EPHA6: variants seen among roughly 807,000 people sequenced by gnomAD.
EPHA6 encodes ephrin type-A receptor 6.
EPHA6 carries 50 observed loss-of-function variants against 112.0 expected under a neutral mutation model. The ratio of observed to expected loss-of-function variants is 0.45; its 90% CI spans 0.36 to 0.56. EPHA6 has a LOEUF of 0.56. EPHA6 is among the 20% of genes least tolerant of loss of function. The pLI is 0.00. For missense variants in EPHA6, 1,280 were observed against 1,417.4 expected, an observed-to-expected ratio of 0.90 and a Z score of 1.56; for synonymous variants, 529 against 490.7, an observed-to-expected ratio of 1.08 and a Z score of -1.03.
intron 10 of EPHA6, among the ~76,000 whole-genome samples, chr3:97,496,155 T>C (rs1290439698): frequency 6.6e-6 from 1 of 152,154 alleles, no homozygotes; most frequent in Non-Finnish European, 1.5e-5. Flanking sequence ...TGAGGATTGA[T>C]TGAAGTGTGA....
At chr3:97,118,253 A>G (rs547143907) in intron 3 of EPHA6, among the ~76,000 whole-genome samples, 1 of 151,770 alleles carries the variant, frequency 6.6e-6, no homozygotes, top group African/African-American at 2.4e-5. Flanking sequence ...ATCTGTGTGC[A>G]TGTTACCAGG....
intron 2 of EPHA6, among the ~76,000 whole-genome samples, chr3:96,935,771 G>A (rs921668803): frequency 5.4e-5 from 8 of 149,222 alleles, no homozygotes; most frequent in African/African-American, 1.5e-4. Context: ...ATGTGTGTGT[G>A]TGTGTAGTCC....
At chr3:97,724,168 T>C (rs2034651685) in intron 15 of EPHA6, among the ~76,000 whole-genome samples, 1 of 152,176 alleles carries the variant, frequency 6.6e-6, no homozygotes, top group Non-Finnish European at 1.5e-5. Context: ...GATTTTAAAT[T>C]AGTTTAAGAA....
chr3:97,104,222 G>A (rs532477156), intron 3 of EPHA6, among the ~76,000 whole-genome samples: 3 of 152,066 alleles, frequency 2.0e-5, no homozygotes, highest in East Asian at 1.9e-4. Flanking sequence ...CCTGTCTTAC[G>A]CCCTTTTCAA....
At chr3:97,448,515 A>G in intron 6 of EPHA6, 53 bp from the exon 7 acceptor site, 1 of 1,574,656 alleles carries the variant, frequency 6.4e-7, no homozygotes, top group Non-Finnish European at 8.7e-7. Flanking sequence ...GTTTCTAGGA[A>G]AAGGTAGAAT....
At chr3:97,416,999 A>T (rs1430316373) in intron 6 of EPHA6, among the ~76,000 whole-genome samples, 1 of 152,138 alleles carries the variant, frequency 6.6e-6, no homozygotes, top group Admixed American at 6.6e-5. Context: ...AAAATAATAC[A>T]TTTGATTCAT....
At chr3:97,608,088 TAA>T (rs146763222) in intron 12 of EPHA6, among the ~76,000 whole-genome samples, 2 of 140,878 alleles carry the variant, frequency 1.4e-5, no homozygotes, top group Non-Finnish European at 1.6e-5. Context: ...GGAGCAATAG[TAA>T]AAAAAAAAAA....
At chr3:96,844,337 T>C (rs1246776113) in intron 1 of EPHA6, among the ~76,000 whole-genome samples, 1 of 151,990 alleles carries the variant, frequency 6.6e-6, no homozygotes, top group Non-Finnish European at 1.5e-5. Context: ...GTACTATTAG[T>C]TAAACTTCCC....
At chr3:97,480,231 A>T (rs61631171) in intron 9 of EPHA6, among the ~76,000 whole-genome samples, 9 of 100,952 alleles carry the variant, frequency 8.9e-5, no homozygotes, top group African/African-American at 1.3e-4. Context: ...CTTTTTATTT[A>T]TTTATTTTTT....
intron 1 of EPHA6, among the ~76,000 whole-genome samples, chr3:96,817,556 T>C (rs2032898483): frequency 6.6e-6 from 1 of 151,992 alleles, no homozygotes; most frequent in African/African-American, 2.4e-5. Context: ...AATTGTCCAA[T>C]AATTTTCACT....
chr3:96,847,862 C>A (rs945754760), intron 1 of EPHA6, among the ~76,000 whole-genome samples: 1 of 152,078 alleles, frequency 6.6e-6, no homozygotes, highest in Non-Finnish European at 1.5e-5. Context: ...CATGTTCATT[C>A]ATTCAGTACA....
intron 5 of EPHA6, among the ~76,000 whole-genome samples, chr3:97,276,444 G>T (rs2080083540): frequency 6.6e-6 from 1 of 152,132 alleles, no homozygotes; most frequent in African/African-American, 2.4e-5. Flanking sequence ...AGTACTTGTA[G>T]CAAGCTCCTG....
intron 2 of EPHA6, among the ~76,000 whole-genome samples, chr3:96,902,676 G>T (rs553632858): frequency 6.6e-5 from 10 of 152,246 alleles, no homozygotes; most frequent in South Asian, 4.1e-4. Flanking sequence ...CTGTGCTGCT[G>T]AGTCTGCTGA....
intron 3 of EPHA6, among the ~76,000 whole-genome samples, chr3:97,042,757 G>C (rs2045362007): frequency 6.6e-6 from 1 of 152,114 alleles, no homozygotes; most frequent in Admixed American, 6.6e-5. Flanking sequence ...ATGAGTAGAA[G>C]AGCATACACT....
chr3:96,917,886 T>A (rs1228160457), intron 2 of EPHA6, among the ~76,000 whole-genome samples: 1 of 151,970 alleles, frequency 6.6e-6, no homozygotes, highest in Non-Finnish European at 1.5e-5. Flanking sequence ...TAATAGAAGC[T>A]CCATAGCAAT....
intron 3 of EPHA6, among the ~76,000 whole-genome samples, chr3:97,188,852 TA>T (rs752117350): frequency 5.3e-5 from 8 of 151,964 alleles, no homozygotes; most frequent in African/African-American, 1.4e-4. Context: ...TAAAAGCATA[TA>T]AAAAAATCTA....
At chr3:96,931,018 A>AAAAAAAAAAAAAAAAAAAAAAAAAG (rs796531853) in intron 2 of EPHA6, among the ~76,000 whole-genome samples, 1 of 84,562 alleles carries the variant, frequency 1.2e-5, no homozygotes, top group Non-Finnish European at 2.4e-5. Context: ...AAAAAAAAAA[A>AAAAAAAAAAAAAAAAAAAAAAAAAG]AAAGAAAAGC....
intron 1 of EPHA6, among the ~76,000 whole-genome samples, chr3:96,857,842 T>C (rs956371742): frequency 6.6e-6 from 1 of 152,156 alleles, no homozygotes; most frequent in Non-Finnish European, 1.5e-5. Context: ...TTCATTTAAA[T>C]TATTTTTGTA....
At chr3:97,379,985 T>G (rs1326127584) in intron 5 of EPHA6, among the ~76,000 whole-genome samples, 2 of 152,030 alleles carry the variant, frequency 1.3e-5, no homozygotes, top group Non-Finnish European at 2.9e-5. Flanking sequence ...TTTGCAAAGC[T>G]CATCCAGGAT....
Sources: allele counts gnomAD v4.1 joint callset (sites outside exome capture counted in the v4.1 genomes callset), GRCh38; gene constraint gnomAD v4.1.1; transcripts MANE v1.5; gene names NCBI Gene and HGNC (gene_info 2026-07-23, HGNC 2026-07-21).